RPTOR: variants seen among roughly 807,000 people sequenced by gnomAD.
The protein encoded by RPTOR is regulatory associated protein of MTOR complex 1, also known as regulatory-associated protein of mTOR.
In RPTOR, 21 loss-of-function variants were observed where a neutral mutation model predicts 169.9. The ratio of observed to expected loss-of-function variants is 0.12; its 90% CI spans 0.09 to 0.18. The LOEUF (loss-of-function observed/expected upper bound fraction) is 0.18, where lower values mean the gene tolerates loss of function less well. Ranked by LOEUF, RPTOR falls within the 10% of genes least tolerant of loss-of-function variation. The pLI, the probability that RPTOR is intolerant of heterozygous loss-of-function variation, is 1.00. For missense variants in RPTOR, 1,133 were observed against 1,855.9 expected (o/e 0.61, Z 7.16); for synonymous variants, 732 against 753.2 (o/e 0.97, Z 0.46).
At chr17:80,953,550 C>T (rs889092125) in intron 28 of RPTOR, among the ~76,000 whole-genome samples, 9 of 152,262 alleles carry the variant, frequency 5.9e-5, no homozygotes, top group African/African-American at 1.7e-4. Flanking sequence ...GGCCTCCTGG[C>T]GCAGCCTCCG....
At chr17:80,578,568 A>G (rs2064986597) in intron 1 of RPTOR, among the ~76,000 whole-genome samples, 1 of 152,212 alleles carries the variant, frequency 6.6e-6, no homozygotes, top group Non-Finnish European at 1.5e-5. Context: ...TAAAGAAGAC[A>G]GAAAACACAC....
rs559605642 is a variant in RPTOR at position 80,733,083 on chromosome 17, G to A, written c.654+2377G>A. Among the ~76,000 whole-genome samples the A allele has an allele frequency of 3.9e-3, 588 of 152,296 alleles. 6 individuals carry two copies. Among genetic ancestry groups the A allele is most frequent in the African/African-American group, 0.014 (570 of 41,560 alleles). ...CATAAATTTTAAGAGATGGTGATCA[G>A]CTTTCATATTCTTAGTGGCACAGTG... On this transcript the variant is annotated intron_variant, in intron 5 of 33. Coordinates refer to ENST00000306801, the MANE Select transcript of RPTOR (RefSeq NM_020761.3).
intron 33 of RPTOR, among the ~76,000 whole-genome samples, chr17:80,963,449 C>CTGCGTCCCTCACCCCGTCCCCTG: frequency 3.8e-5 from 1 of 26,146 alleles, no homozygotes; most frequent in African/African-American, 1.3e-4. Flanking sequence ...CCCGTCCCCT[C>CTGCGTCCCTCACCCCGTCCCCTG]TGCGGCCCTC....
chr17:80,646,275 C>T lies in RPTOR; in HGVS notation c.348+2465C>T, dbSNP rs138692372. On this transcript the variant is annotated intron_variant, in intron 3 of 33. Transcript: ENST00000306801. This position sits in a 1 kb window ranked among gnomAD's most constrained non-coding sequence, Gnocchi z 5.0. ...AAAATTTCCTGCTACTATCCATGAG[C>T]GGGCCTCATCTATTTTAGAAATTAG... Among the ~76,000 whole-genome samples the T allele has an allele frequency of 7.3e-3, 1,105 of 152,276 alleles. 6 individuals are homozygous for T. The highest frequency in any genetic ancestry group is 0.027 in the Middle Eastern group (8 of 294).
intron 13 of RPTOR, chr17:80,858,167 T>G: frequency 8.4e-6 from 4 of 478,312 alleles, no homozygotes; most frequent in Non-Finnish European, 7.7e-6. Context: ...GTCCCTGGCC[T>G]TCCCCTGGTG....
At chr17:80,580,879 C>T (rs950393653) in intron 1 of RPTOR, among the ~76,000 whole-genome samples, 1 of 152,202 alleles carries the variant, frequency 6.6e-6, no homozygotes, top group African/African-American at 2.4e-5. Flanking sequence ...CCTCCCATCT[C>T]AGCCTCCTAA....
intron 3 of RPTOR, among the ~76,000 whole-genome samples, chr17:80,681,495 G>A (rs540928283): frequency 6.6e-6 from 1 of 152,296 alleles, no homozygotes; most frequent in East Asian, 1.9e-4. Context: ...GAGTGCTGCG[G>A]GGAGTGTAGG....
At chr17:80,778,796 C>G (rs533007306) in intron 6 of RPTOR, among the ~76,000 whole-genome samples, 1 of 152,308 alleles carries the variant, frequency 6.6e-6, no homozygotes, top group South Asian at 2.1e-4. Context: ...GGGGCAAGAC[C>G]TGGTCTCTTA....
At chr17:80,932,622 A>G (rs766306353) in intron 24 of RPTOR, among the ~76,000 whole-genome samples, 6 of 152,140 alleles carry the variant, frequency 3.9e-5, no homozygotes, top group Non-Finnish European at 5.9e-5. Flanking sequence ...ATAGCCAAGG[A>G]AAAAAATCAG....
chr17:80,772,137 C>T (rs547741186), intron 6 of RPTOR, among the ~76,000 whole-genome samples: 6 of 152,262 alleles, frequency 3.9e-5, no homozygotes, highest in African/African-American at 1.4e-4. Context: ...TGAGGAGGCA[C>T]CTCGGGTATC....
chr17:80,776,626 G>A (rs1361267949), intron 6 of RPTOR, among the ~76,000 whole-genome samples: 1 of 152,052 alleles, frequency 6.6e-6, no homozygotes, highest in Admixed American at 6.6e-5. Flanking sequence ...GCCCGGCGCT[G>A]CCAAACTTCT....
At chr17:80,765,048 T>C (rs1467660741) in intron 6 of RPTOR, among the ~76,000 whole-genome samples, 1 of 151,632 alleles carries the variant, frequency 6.6e-6, no homozygotes, top group Non-Finnish European at 1.5e-5. Context: ...ACAAGAAAAA[T>C]TAAATGTTTG....
rs1305422725 is a variant in RPTOR, at chr17:80,846,460, G to A, written c.1213-13G>A. On this transcript the variant is annotated splice_polypyrimidine_tract_variant and intron_variant, in intron 10 of 33. Transcript: ENST00000306801. ...CATGGCCCTAACAAGCACCTGTTCT[G>A]CTTGCCCCGCAGCACAGCCCGTTCT... 1 of 1,612,886 alleles carries A rather than the reference G, an allele frequency of 6.2e-7. No individual in the cohort carries two copies. Among genetic ancestry groups the A allele is most frequent in the Non-Finnish European group, 8.5e-7 (1 of 1,179,554 alleles).
At chr17:80,685,873 A>C (rs917990189) in intron 3 of RPTOR, among the ~76,000 whole-genome samples, 3 of 151,336 alleles carry the variant, frequency 2.0e-5, no homozygotes, top group Non-Finnish European at 4.4e-5. Flanking sequence ...GAAATGCCCG[A>C]CAAGAACCCT....
intron 2 of RPTOR, among the ~76,000 whole-genome samples, chr17:80,637,978 A>G (rs1342291733): frequency 6.6e-6 from 1 of 152,248 alleles, no homozygotes; most frequent in Admixed American, 6.5e-5. Flanking sequence ...GTTAACAGAT[A>G]TTGATTAGGT....
At chr17:80,767,077 T>G (rs1429785924) in intron 6 of RPTOR, among the ~76,000 whole-genome samples, 1 of 152,186 alleles carries the variant, frequency 6.6e-6, no homozygotes, top group Non-Finnish European at 1.5e-5. Context: ...CCTACAGATG[T>G]TAAAAGAATA....
intron 1 of RPTOR, among the ~76,000 whole-genome samples, chr17:80,592,944 C>T (rs540723503): frequency 1.3e-5 from 2 of 152,170 alleles, no homozygotes; most frequent in South Asian, 2.1e-4. Flanking sequence ...TTGACCCAGT[C>T]GTTGCATCCA....
chr17:80,834,730 C>T (rs2067544947), intron 9 of RPTOR, among the ~76,000 whole-genome samples: 1 of 152,228 alleles, frequency 6.6e-6, no homozygotes, highest in South Asian at 2.1e-4. Context: ...AGGCCTTCAA[C>T]ACCAAGCGAG....
intron 7 of RPTOR, among the ~76,000 whole-genome samples, chr17:80,806,621 C>G (rs2067220922): frequency 6.6e-6 from 1 of 152,136 alleles, no homozygotes; most frequent in Non-Finnish European, 1.5e-5. Context: ...ACACTGACCA[C>G]CTTAATTGCC....
Sources: gnomAD v4.1 joint callset for allele counts (sites outside exome capture counted in the v4.1 genomes callset) on GRCh38, gnomAD v4.1.1 for gene constraint, Gnocchi (gnomAD v3.1) non-coding constraint, MANE v1.5 for transcripts, NCBI Gene and HGNC (gene_info 2026-07-23, HGNC 2026-07-21) for gene names.